The following SMG6 variants were observed in gnomAD, a reference collection of about 807,000 sequenced individuals.
SMG6 encodes telomerase-binding protein EST1A.
A neutral mutation model predicts 142.2 loss-of-function variants in SMG6; 66 were observed. The observed-to-expected ratio is 0.46, with a 90% confidence interval of 0.38 to 0.57. The LOEUF (loss-of-function observed/expected upper bound fraction) is 0.57. Ranked by LOEUF, SMG6 falls within the 20% of genes least tolerant of loss-of-function variation. SMG6 has a pLI of 0.00. For missense variants in SMG6, 1,793 were observed against 1,832.0 expected (o/e 0.98, Z 0.39); for synonymous variants, 779 against 702.4 (o/e 1.11, Z -1.72).
intron 8 of SMG6, among the ~76,000 whole-genome samples, chr17:2,273,894 A>G (rs1396635709): frequency 6.6e-6 from 1 of 152,200 alleles, no homozygotes; most frequent in Non-Finnish European, 1.5e-5. Context: ...TATTTCCCTT[A>G]GGAGCAACAA....
intron 13 of SMG6, among the ~76,000 whole-genome samples, chr17:2,107,034 T>C (rs765746098): frequency 6.6e-5 from 10 of 152,126 alleles, no homozygotes; most frequent in South Asian, 4.2e-4. Flanking sequence ...CAGTACTTAG[T>C]AGTTTAGTAT....
chr17:2,110,636 C>A (rs975238365), intron 13 of SMG6, among the ~76,000 whole-genome samples: 2 of 152,104 alleles, frequency 1.3e-5, no homozygotes, highest in African/African-American at 4.8e-5. Context: ...AAGAAAGACC[C>A]TGATGAGGTG....
At chr17:2,105,824 GA>G (rs1372985129) in intron 13 of SMG6, among the ~76,000 whole-genome samples, 1 of 152,198 alleles carries the variant, frequency 6.6e-6, no homozygotes, top group Admixed American at 6.5e-5. Context: ...ATGAATATAG[GA>G]AACTAGTAAC....
At chr17:2,224,867 C>T (rs2151777006) in intron 10 of SMG6, among the ~76,000 whole-genome samples, 1 of 152,234 alleles carries the variant, frequency 6.6e-6, no homozygotes, top group South Asian at 2.1e-4. Flanking sequence ...ACCTGGAAAG[C>T]ACCTAGAGAG....
intron 13 of SMG6, among the ~76,000 whole-genome samples, chr17:2,102,380 A>G (rs2069033054): frequency 1.3e-5 from 2 of 152,048 alleles, no homozygotes. Context: ...TCTTTTAGAC[A>G]GGGTCTTGCT....
chr17:2,288,819 C>T (rs2151389127), intron 6 of SMG6, among the ~76,000 whole-genome samples: 4 of 151,760 alleles, frequency 2.6e-5, no homozygotes, highest in Admixed American at 2.6e-4. Context: ...GTGGCTCACG[C>T]CTGTAATCCC....
intron 10 of SMG6, among the ~76,000 whole-genome samples, chr17:2,218,681 T>A (rs1270218918): frequency 6.6e-6 from 1 of 152,246 alleles, no homozygotes; most frequent in African/African-American, 2.4e-5. Flanking sequence ...TGGCATGTCA[T>A]CACCTGAGGT....
At chr17:2,127,310 G>C (rs539387027) in intron 13 of SMG6, 37 of 430,758 alleles carry the variant, frequency 8.6e-5, no homozygotes, top group African/African-American at 7.4e-4. Flanking sequence ...TCTGGAAATG[G>C]ATAGTAGTGA....
At chr17:2,176,823 C>T (rs1167430139) in intron 12 of SMG6, among the ~76,000 whole-genome samples, 1 of 152,192 alleles carries the variant, frequency 6.6e-6, no homozygotes, top group East Asian at 1.9e-4. Flanking sequence ...TACAAGTATG[C>T]ACTCAGAACC....
chr17:2,128,512 T>G (rs977766477), intron 13 of SMG6, among the ~76,000 whole-genome samples: 1 of 152,088 alleles, frequency 6.6e-6, no homozygotes, highest in East Asian at 1.9e-4. Flanking sequence ...TATACGCCAA[T>G]CCAACTGCCT....
At chr17:2,221,199 T>C (rs139899324) in intron 10 of SMG6, among the ~76,000 whole-genome samples, 9 of 152,266 alleles carry the variant, frequency 5.9e-5, no homozygotes, top group East Asian at 1.9e-4. Context: ...TCATGATGAA[T>C]TGTAATTTCC....
chr17:2,076,874 T>C (rs2068274242), intron 15 of SMG6, among the ~76,000 whole-genome samples: 1 of 152,254 alleles, frequency 6.6e-6, no homozygotes, highest in South Asian at 2.1e-4. Flanking sequence ...CTTCCATGCT[T>C]GGGCCTAAGC....
chr17:2,223,501 C>T (rs2073235120), intron 10 of SMG6, among the ~76,000 whole-genome samples: 1 of 152,130 alleles, frequency 6.6e-6, no homozygotes, highest in Non-Finnish European at 1.5e-5. Flanking sequence ...GCACTAAGAA[C>T]AGCAGTAGTC....
At chr17:2,283,932 A>G (rs1477316331) in intron 6 of SMG6, among the ~76,000 whole-genome samples, 197 bp from the exon 7 acceptor site, 1 of 151,714 alleles carries the variant, frequency 6.6e-6, no homozygotes, top group Non-Finnish European at 1.5e-5. Flanking sequence ...GCACAGTATT[A>G]TATCTTACAT....
chr17:2,266,233 G>A (rs2074420980), intron 8 of SMG6: 1 of 954,590 alleles, frequency 1.0e-6, no homozygotes, highest in African/African-American at 1.8e-5. Flanking sequence ...GGTCACGTGG[G>A]GTGGAAAGTG....
intron 13 of SMG6, among the ~76,000 whole-genome samples, chr17:2,121,075 C>T (rs2069673873): frequency 6.6e-6 from 1 of 152,182 alleles, no homozygotes; most frequent in African/African-American, 2.4e-5. Context: ...AGCCTGTGGG[C>T]CACGGGTTGG....
chr17:2,187,571 AG>A (rs1238437318), intron 11 of SMG6, among the ~76,000 whole-genome samples: 2 of 152,348 alleles, frequency 1.3e-5, no homozygotes, highest in East Asian at 3.9e-4. Flanking sequence ...ATGGTTCAGA[AG>A]AAAAATAATA....
Position 2,299,202 on chromosome 17 carries a change from G to A in SMG6, c.1551C>T (p.Ala517=), listed in dbSNP as rs373383480. ...TATAGCCCGTATAGGGATACTGGGA[G>A]GCAGGGCCTGGTGTCCGGGGGTAAT... is the stretch of plus-strand genomic sequence containing the variant. ...PYYYPRTPGP[A]SQYPYTGYNP... is the part of the protein sequence containing the mutation. The change falls in exon 2 of 19, where the codon GCC becomes GCT. Residue 517 remains alanine (A), a synonymous_variant. Transcript: ENST00000263073. This position sits in a 1 kb window ranked among gnomAD's most constrained non-coding sequence, Gnocchi z 4.3. 2.2e-5 allele frequency: 36 copies of A among 1,613,668 alleles called. 1 individual carries two copies. In the African/African-American group the frequency reaches 3.6e-4, roughly 16 times the overall value.
chr17:2,258,008 CAAAA>C (rs869066817), intron 8 of SMG6, among the ~76,000 whole-genome samples: 29 of 26,606 alleles, frequency 1.1e-3, no homozygotes, highest in East Asian at 2.5e-3. Context: ...GACTCTGTCG[CAAAA>C]AAAAAAAAAA....
Sources: gnomAD v4.1 joint callset for allele counts (sites outside exome capture counted in the v4.1 genomes callset) on GRCh38, gnomAD v4.1.1 for gene constraint, Gnocchi (gnomAD v3.1) non-coding constraint, MANE v1.5 for transcripts, NCBI Gene and HGNC (gene_info 2026-07-23, HGNC 2026-07-21) for gene names.